LIMS1: variants seen among roughly 807,000 people sequenced by gnomAD.
LIMS1 encodes the protein LIM zinc finger domain containing 1.
A neutral mutation model predicts 44.1 loss-of-function variants in LIMS1; 18 were observed. The ratio of observed to expected loss-of-function variants is 0.41; its 90% CI spans 0.28 to 0.61. The LOEUF (loss-of-function observed/expected upper bound fraction) is 0.61, where lower values mean the gene tolerates loss of function less well. Among genes scored for constraint, LIMS1 ranks in the 20% least tolerant of loss-of-function variants. The pLI is 0.32. For missense variants in LIMS1, 201 were observed against 422.0 expected (o/e 0.48, Z 4.59); for synonymous variants, 93 against 149.1 (o/e 0.62, Z 2.74).
At chr2:108,676,055 C>A (rs774019872) in intron 6 of LIMS1, 27 bp downstream of exon 6, 1 of 1,592,432 alleles carries the variant, frequency 6.3e-7, no homozygotes, top group Non-Finnish European at 8.6e-7. Context: ...AAAGGGTAAC[C>A]AATCCTTTCA....
chr2:108,617,734 C>T (rs1265791731), intron 1 of LIMS1, among the ~76,000 whole-genome samples: 1 of 152,136 alleles, frequency 6.6e-6, no homozygotes, highest in Non-Finnish European at 1.5e-5. Flanking sequence ...AGGAGCTAGT[C>T]CTGCCAGTGA....
chr2:108,535,117 T>A (rs1684082977), intron 1 of LIMS1, among the ~76,000 whole-genome samples: 1 of 152,238 alleles, frequency 6.6e-6, no homozygotes, highest in Non-Finnish European at 1.5e-5. Context: ...GTGGGACGAC[T>A]GGCGTCCTTT....
chr2:108,534,493 G>T (rs1684045491), exon 1 of LIMS1: 2 of 1,136,830 alleles, frequency 1.8e-6, no homozygotes, highest in South Asian at 4.1e-5. Context: ...GGCGGCGAGG[G>T]ACTAGGACGC....
chr2:108,575,568 C>G (rs148391268), intron 1 of LIMS1, among the ~76,000 whole-genome samples: 13 of 152,280 alleles, frequency 8.5e-5, no homozygotes, highest in South Asian at 6.2e-4. Context: ...TTTTCTTACT[C>G]CAAATTCCTG....
chr2:108,550,415 C>T (rs1188398445), intron 1 of LIMS1, among the ~76,000 whole-genome samples: 10 of 151,834 alleles, frequency 6.6e-5, no homozygotes, highest in South Asian at 6.2e-4. Context: ...AGGAGAATAG[C>T]GTGAACCTGG....
Position 108,556,597 on chromosome 2 carries a change from T to C in LIMS1, c.32+22003T>C, listed in dbSNP as rs1022696592. Among the ~76,000 whole-genome samples the C allele has an allele frequency of 6.6e-5, 10 of 152,372 alleles. No individual in the cohort carries two copies. The East Asian group carries it at 9.6e-4, about 15-fold the overall frequency. Reference sequence around the variant, plus strand: ...AGACATAGATTGGAAGATGGACTTATGCTTTTTCTCTTTCTCTCCTTTCCT... The same window carrying C: ...AGACATAGATTGGAAGATGGACTTACGCTTTTTCTCTTTCTCTCCTTTCCT... On this transcript the variant is annotated intron_variant, in intron 1 of 9. Coordinates refer to ENST00000544547, the Ensembl canonical transcript of LIMS1.
intron 1 of LIMS1, among the ~76,000 whole-genome samples, chr2:108,563,885 C>G (rs1365712657): frequency 6.6e-6 from 1 of 151,726 alleles, no homozygotes; most frequent in Non-Finnish European, 1.5e-5. Context: ...ACAGCGAGAT[C>G]CTGTCTCTAC....
At chr2:108,590,513 C>G (rs1442302444) in intron 1 of LIMS1, among the ~76,000 whole-genome samples, 1 of 152,114 alleles carries the variant, frequency 6.6e-6, no homozygotes, top group East Asian at 1.9e-4. Context: ...AAAAAATATA[C>G]AAAAATAACT....
chr2:108,543,326 A>G (rs1684374430), intron 1 of LIMS1, among the ~76,000 whole-genome samples: 1 of 152,172 alleles, frequency 6.6e-6, no homozygotes, highest in African/African-American at 2.4e-5. Flanking sequence ...GTGGCAGGCT[A>G]GGTCTCACTA....
At chr2:108,616,770 T>A (rs1687955994) in intron 1 of LIMS1, among the ~76,000 whole-genome samples, 1 of 152,214 alleles carries the variant, frequency 6.6e-6, no homozygotes, top group African/African-American at 2.4e-5. Context: ...AACCCTTTTC[T>A]GCAGCAGATA....
chr2:108,681,112 T>A (rs1428686404), intron 9 of LIMS1: 11 of 1,278,154 alleles, frequency 8.6e-6, no homozygotes, highest in Non-Finnish European at 1.1e-5. Flanking sequence ...CCAGTCTGTT[T>A]GTAAACTTTT....
At chr2:108,572,303 A>G (rs1266822036) in intron 1 of LIMS1, among the ~76,000 whole-genome samples, 2 of 151,536 alleles carry the variant, frequency 1.3e-5, no homozygotes, top group African/African-American at 2.4e-5. Context: ...GTTCTGACCC[A>G]TGAGGTTGTT....
At chr2:108,611,836 A>AATATATATATATATATATAT (rs138970063) in intron 1 of LIMS1, among the ~76,000 whole-genome samples, 25 of 130,980 alleles carry the variant, frequency 1.9e-4, no homozygotes, top group East Asian at 1.4e-3. Context: ...CATGATCTAA[A>AATATATATATATATATATAT]ATATATATAT....
chr2:108,567,544 A>G lies in LIMS1; in HGVS notation c.32+32950A>G, dbSNP rs938760620. Among the ~76,000 whole-genome samples, 9 of 152,162 alleles carry G rather than the reference A, an allele frequency of 5.9e-5. No individual in the cohort carries two copies. In the East Asian group the frequency reaches 9.6e-4, roughly 16 times the overall value. Reference sequence around the variant, plus strand: ...AAACGATGTGGTACAAAAGCACTCAATGAAGATGCCCTGTTTTCCTTTTCT... The same window carrying G: ...AAACGATGTGGTACAAAAGCACTCAGTGAAGATGCCCTGTTTTCCTTTTCT... On this transcript the variant is annotated intron_variant, in intron 1 of 9. Coordinates refer to ENST00000544547, the Ensembl canonical transcript of LIMS1.
At chr2:108,674,154 C>T (rs113613534) in intron 5 of LIMS1, among the ~76,000 whole-genome samples, 3 of 150,906 alleles carry the variant, frequency 2.0e-5, no homozygotes, top group Admixed American at 6.6e-5. Flanking sequence ...GGTGAAACCC[C>T]GTCTCTACTA....
chr2:108,661,762 G>A (rs1188238313), intron 2 of LIMS1, among the ~76,000 whole-genome samples: 1 of 152,098 alleles, frequency 6.6e-6, no homozygotes, highest in Non-Finnish European at 1.5e-5. Context: ...ATGGAGGCCT[G>A]CGGGGACTAT....
exon 10 of LIMS1, chr2:108,684,777 G>A (rs1254290232): frequency 6.6e-6 from 1 of 152,014 alleles, no homozygotes; most frequent in African/African-American, 2.4e-5. Flanking sequence ...ATGTTTCTAA[G>A]CTTAATGTTA....
chr2:108,638,047 C>T (rs1446799722), intron 1 of LIMS1, among the ~76,000 whole-genome samples: 3 of 151,970 alleles, frequency 2.0e-5, no homozygotes, highest in Non-Finnish European at 2.9e-5. Flanking sequence ...TGTGTCACCA[C>T]GTTGCCCAGG....
intron 2 of LIMS1, among the ~76,000 whole-genome samples, chr2:108,661,950 A>C (rs1691404394): frequency 6.6e-6 from 1 of 152,154 alleles, no homozygotes; most frequent in African/African-American, 2.4e-5. Context: ...TGCGACATGA[A>C]AGAGATGAGA....
Sources: allele counts gnomAD v4.1 joint callset (sites outside exome capture counted in the v4.1 genomes callset), GRCh38; gene constraint gnomAD v4.1.1; transcripts MANE v1.5; gene names NCBI Gene and HGNC (gene_info 2026-07-23, HGNC 2026-07-21).